CNTN4: variants seen among roughly 807,000 people sequenced by gnomAD.
The protein encoded by CNTN4 is contactin-4.
In CNTN4, 77 loss-of-function variants were observed where a neutral mutation model predicts 122.5. That is an observed-to-expected ratio of 0.63 (90% confidence interval 0.52 to 0.76). CNTN4 has a LOEUF of 0.76. Among genes scored for constraint, CNTN4 ranks in the 30% least tolerant of loss-of-function variants. The pLI, the probability that CNTN4 is intolerant of heterozygous loss-of-function variation, is 0.00. For missense variants in CNTN4, 1,256 were observed against 1,259.1 expected (o/e 1.00, Z 0.04); for synonymous variants, 512 against 447.0 (o/e 1.15, Z -1.83).
chr3:2,467,289 A>G (rs2075538204), intron 3 of CNTN4, among the ~76,000 whole-genome samples: 1 of 152,146 alleles, frequency 6.6e-6, no homozygotes, highest in African/African-American at 2.4e-5. Flanking sequence ...TAGAGTCCCC[A>G]TTAGTCCTTT....
At chr3:2,387,292 C>G (rs770050189) in intron 3 of CNTN4, among the ~76,000 whole-genome samples, 16 of 152,054 alleles carry the variant, frequency 1.1e-4, no homozygotes, top group Non-Finnish European at 4.4e-5. Context: ...CTTTGTGAAG[C>G]AGTTGGCAAA....
At chr3:2,181,500 G>T (rs2037015402) in intron 2 of CNTN4, among the ~76,000 whole-genome samples, 1 of 152,102 alleles carries the variant, frequency 6.6e-6, no homozygotes, top group Non-Finnish European at 1.5e-5. Flanking sequence ...ACACAGGGAA[G>T]TGAAATCAAT....
At chr3:2,994,236 A>AT (rs1192823976) in intron 14 of CNTN4, among the ~76,000 whole-genome samples, 1 of 147,248 alleles carries the variant, frequency 6.8e-6, no homozygotes, top group Non-Finnish European at 1.5e-5. Flanking sequence ...ATTTTTTTTT[A>AT]TTTTGAAATT....
At chr3:2,965,694 C>G (rs1692234396) in intron 13 of CNTN4, among the ~76,000 whole-genome samples, 8 of 152,102 alleles carry the variant, frequency 5.3e-5, no homozygotes, top group Admixed American at 5.2e-4. Context: ...AAGTTCTTAT[C>G]CTGGGATAAA....
intron 3 of CNTN4, among the ~76,000 whole-genome samples, chr3:2,343,099 A>G (rs1219324775): frequency 1.3e-5 from 2 of 152,244 alleles, no homozygotes; most frequent in African/African-American, 4.8e-5. Context: ...ATAAAGTAAT[A>G]AGGAAATATA....
intron 4 of CNTN4, among the ~76,000 whole-genome samples, chr3:2,724,105 G>C (rs188851954): frequency 1.0e-3 from 152 of 152,322 alleles, no homozygotes; most frequent in African/African-American, 3.5e-3. Context: ...GAGGAAGGGA[G>C]AGTCAGAGTT....
chr3:2,806,472 C>T (rs1432246846), intron 6 of CNTN4, among the ~76,000 whole-genome samples: 1 of 152,122 alleles, frequency 6.6e-6, no homozygotes, highest in Non-Finnish European at 1.5e-5. Context: ...CCTCTGGCTT[C>T]CTAGGATTTC....
intron 3 of CNTN4, among the ~76,000 whole-genome samples, chr3:2,482,786 A>G (rs1241859024): frequency 6.6e-6 from 1 of 152,216 alleles, no homozygotes; most frequent in Non-Finnish European, 1.5e-5. Flanking sequence ...TATACACAGA[A>G]GTCAAGAATT....
chr3:2,704,296 C>CAAAAAA (rs151155380), intron 4 of CNTN4, among the ~76,000 whole-genome samples: 1 of 69,494 alleles, frequency 1.4e-5, no homozygotes, highest in African/African-American at 5.7e-5. Flanking sequence ...GACTTCATTT[C>CAAAAAA]AAAAAAAAAA....
At chr3:2,287,718 GAAGAAGAAGAAGAAGAAGAAGAAGAA>G (rs1559416012) in intron 2 of CNTN4, among the ~76,000 whole-genome samples, 1,152 of 74,426 alleles carry the variant, frequency 0.015, 31 homozygotes, top group South Asian at 0.023. Context: ...AGAGGAAGAA[GAAGAAGAAGAAGAAGAAGAAGAAGAA>G]GAAGAAGAAG....
intron 3 of CNTN4, among the ~76,000 whole-genome samples, chr3:2,370,594 AT>A (rs1354362890): frequency 5.3e-5 from 8 of 152,168 alleles, no homozygotes; most frequent in African/African-American, 1.9e-4. Context: ...AATGATTTGC[AT>A]ATTTTTCACC....
At chr3:2,868,134 C>T (rs1368177036) in intron 8 of CNTN4, among the ~76,000 whole-genome samples, 5 of 152,124 alleles carry the variant, frequency 3.3e-5, no homozygotes, top group African/African-American at 1.2e-4. Flanking sequence ...ATACCATCAG[C>T]CAAAAACATT....
intron 8 of CNTN4, among the ~76,000 whole-genome samples, chr3:2,870,990 C>G (rs2093777886): frequency 6.6e-6 from 1 of 152,154 alleles, no homozygotes; most frequent in South Asian, 2.1e-4. Context: ...CTGCAAAACC[C>G]TGGGGCTCCC....
At chr3:3,003,696 A>AC (rs1298150977) in intron 14 of CNTN4, among the ~76,000 whole-genome samples, 4 of 144,876 alleles carry the variant, frequency 2.8e-5, no homozygotes, top group African/African-American at 8.1e-5. Context: ...AAAAAAAAAA[A>AC]AAAAAAAAAA....
At chr3:2,507,745 A>G (rs1318893732) in intron 3 of CNTN4, among the ~76,000 whole-genome samples, 1 of 150,808 alleles carries the variant, frequency 6.6e-6, no homozygotes, top group Non-Finnish European at 1.5e-5. Context: ...AAAAAAAAAA[A>G]AAAAAGAAAG....
chr3:2,682,204 G>A (rs901142029), intron 4 of CNTN4, among the ~76,000 whole-genome samples: 4 of 152,180 alleles, frequency 2.6e-5, no homozygotes, highest in Admixed American at 6.6e-5. Flanking sequence ...AACACTCCTT[G>A]ACCATGAAAC....
At chr3:2,698,162 G>C (rs1321403755) in intron 4 of CNTN4, among the ~76,000 whole-genome samples, 1 of 152,208 alleles carries the variant, frequency 6.6e-6, no homozygotes, top group Non-Finnish European at 1.5e-5. Context: ...GTAGTCAGGA[G>C]AGGTTGTCAA....
At chr3:2,670,070 T>C (rs2084412947) in intron 4 of CNTN4, among the ~76,000 whole-genome samples, 1 of 152,220 alleles carries the variant, frequency 6.6e-6, no homozygotes, top group South Asian at 2.1e-4. Context: ...GTATATTCTG[T>C]TGATTTGCGG....
At chr3:2,496,309 G>T (rs752828524) in intron 3 of CNTN4, among the ~76,000 whole-genome samples, 1 of 152,014 alleles carries the variant, frequency 6.6e-6, no homozygotes, top group Non-Finnish European at 1.5e-5. Flanking sequence ...TTTTACTGGG[G>T]TATTGGACAT....
Sources: allele counts gnomAD v4.1 joint callset (sites outside exome capture counted in the v4.1 genomes callset), GRCh38; gene constraint gnomAD v4.1.1; transcripts MANE v1.5; gene names NCBI Gene and HGNC (gene_info 2026-07-23, HGNC 2026-07-21).